Variants in DIAPH2 observed in about 807,000 individuals in gnomAD.
DIAPH2 encodes the protein protein diaphanous homolog 2.
A neutral mutation model predicts 92.7 loss-of-function variants in DIAPH2; 35 were observed. That is an observed-to-expected ratio of 0.38 (90% CI 0.29 to 0.50). The LOEUF (loss-of-function observed/expected upper bound fraction) is 0.50. Ranked by LOEUF, DIAPH2 falls within the 20% of genes least tolerant of loss-of-function variation. DIAPH2 has a pLI of 0.94. For missense variants in DIAPH2, 701 were observed against 819.5 expected, an observed-to-expected ratio of 0.86 and a Z score of 1.77; for synonymous variants, 301 against 280.4, an observed-to-expected ratio of 1.07 and a Z score of -0.73.
intron 3 of DIAPH2, among the ~76,000 whole-genome samples, chrX:96,754,662 C>G (rs376192500): frequency 9.1e-6 from 1 of 110,186 alleles, no homozygotes; most frequent in Non-Finnish European, 1.9e-5. Flanking sequence ...TGGTGGCTCA[C>G]GCTTGTAATC....
Position 96,881,692 on chromosome X carries a change from G to A in DIAPH2, c.561G>A (p.Arg187=), listed in dbSNP as rs758280616. The A allele has an allele frequency of 9.9e-6, 12 of 1,206,243 alleles. No individual in the cohort carries two copies. In the Admixed American group the frequency reaches 2.4e-4, roughly 24 times the overall value. The change falls in exon 5 of 27, where the codon AGG becomes AGA. Residue 187 remains arginine (R), a synonymous_variant. Coordinates refer to ENST00000324765, the MANE Select transcript of DIAPH2 (RefSeq NM_006729.5). ...TTCTTAATTGCCTAGAATCCCTCAGGGTTTCTTTAACCAGCAATCCGGTCA... is the reference window on the plus strand; with the variant it reads ...TTCTTAATTGCCTAGAATCCCTCAGAGTTTCTTTAACCAGCAATCCGGTCA... ...EKLLNCLESL[R]VSLTSNPVSW...
chrX:96,863,523 TCTTA>T (rs1034479236), intron 4 of DIAPH2, among the ~76,000 whole-genome samples: 30 of 110,968 alleles, frequency 2.7e-4, no homozygotes, highest in African/African-American at 9.2e-4. Context: ...TCTAAAATCC[TCTTA>T]CTTAGGTATA....
intron 5 of DIAPH2, among the ~76,000 whole-genome samples, chrX:96,895,378 A>G (rs1217662565): frequency 8.9e-6 from 1 of 111,897 alleles, no homozygotes; most frequent in Admixed American, 9.5e-5. Flanking sequence ...ATAAATGTGA[A>G]TTATCAAATA....
chrX:97,550,291 G>A (rs759127372), intron 26 of DIAPH2, among the ~76,000 whole-genome samples: 12 of 112,181 alleles, frequency 1.1e-4, no homozygotes, highest in African/African-American at 3.9e-4. Flanking sequence ...CCCAGGAGGC[G>A]GAGGTTACAG....
intron 22 of DIAPH2, among the ~76,000 whole-genome samples, chrX:97,147,237 A>T (rs1348678943): frequency 9.0e-6 from 1 of 111,259 alleles, no homozygotes; most frequent in Non-Finnish European, 1.9e-5. Flanking sequence ...GGGTCATTTC[A>T]TTCAAGATTG....
At chrX:97,046,687 G>A (rs1466069579) in intron 17 of DIAPH2, among the ~76,000 whole-genome samples, 2 of 111,679 alleles carry the variant, frequency 1.8e-5, no homozygotes, top group Admixed American at 1.9e-4. Flanking sequence ...ACATATAGAA[G>A]CATTAAGGGG....
chrX:97,041,524 C>CA (rs2066448396), intron 17 of DIAPH2, among the ~76,000 whole-genome samples: 2 of 110,788 alleles, frequency 1.8e-5, no homozygotes, highest in South Asian at 3.8e-4. Context: ...CAGCGGTATT[C>CA]AAAAAAAGCA....
intron 17 of DIAPH2, among the ~76,000 whole-genome samples, chrX:96,977,925 C>T (rs1390556759): frequency 8.9e-6 from 1 of 111,973 alleles, no homozygotes; most frequent in East Asian, 2.8e-4. Context: ...CTCAGGTAAT[C>T]CACCCACCTT....
chrX:96,755,693 C>T (rs972138613), intron 3 of DIAPH2, among the ~76,000 whole-genome samples: 65 of 100,440 alleles, frequency 6.5e-4, no homozygotes, highest in African/African-American at 2.0e-3. Flanking sequence ...TACTGTTCTT[C>T]GCCAATTAGT....
intron 26 of DIAPH2, among the ~76,000 whole-genome samples, chrX:97,491,768 C>T (rs1435826090): frequency 8.9e-6 from 1 of 112,060 alleles, no homozygotes; most frequent in African/African-American, 3.2e-5. Context: ...TTTTCTGTTT[C>T]ATAGTCTTTT....
rs1444891236 is a variant in DIAPH2, at chrX:97,599,855, AC to A, written c.*542del. The A allele has an allele frequency of 8.9e-6, 1 of 112,194 alleles. No homozygotes were observed. The highest frequency in any genetic ancestry group is 1.9e-5 in the Non-Finnish European group (1 of 53,124). The allele number at this position is 112,194 out of a possible 1,213,427, so 9.2% of individuals were successfully genotyped here. On this transcript the variant is annotated 3_prime_UTR_variant, in exon 27 of 27. Coordinates refer to ENST00000324765, the MANE Select transcript of DIAPH2 (RefSeq NM_006729.5). Reference sequence around the variant, plus strand: ...TGGAAATTCACGAAAGTACTGCTCCACCCCAGTTGAGTTATTTAGAATTTTA... The same window carrying A: ...TGGAAATTCACGAAAGTACTGCTCCACCCAGTTGAGTTATTTAGAATTTTA...
intron 12 of DIAPH2, among the ~76,000 whole-genome samples, chrX:96,940,046 G>A (rs955420654): frequency 2.5e-4 from 27 of 110,003 alleles, no homozygotes; most frequent in Non-Finnish European, 4.9e-4. Flanking sequence ...GTACTCCAGC[G>A]ACAGGACTTT....
At chrX:96,851,983 G>A (rs1195997928) in intron 4 of DIAPH2, among the ~76,000 whole-genome samples, 1 of 111,838 alleles carries the variant, frequency 8.9e-6, no homozygotes. Flanking sequence ...TTTTGCTATG[G>A]TAGTTAAAAC....
At chrX:97,477,985 C>T (rs142948510) in intron 26 of DIAPH2, among the ~76,000 whole-genome samples, 6,440 of 111,040 alleles carry the variant, frequency 0.058, 176 homozygotes, top group African/African-American at 0.11. Context: ...AAGAGCTCTT[C>T]TTCTCAGCTG....
intron 23 of DIAPH2, among the ~76,000 whole-genome samples, chrX:97,271,083 C>T (rs2068382878): frequency 9.0e-6 from 1 of 110,711 alleles, no homozygotes; most frequent in South Asian, 3.8e-4. Flanking sequence ...GAATTATTGC[C>T]TGCACTTATT....
chrX:97,404,942 T>G (rs2069794695), intron 25 of DIAPH2, among the ~76,000 whole-genome samples: 1 of 112,308 alleles, frequency 8.9e-6, no homozygotes, highest in Admixed American at 9.5e-5. Flanking sequence ...ATTGTCATTA[T>G]TTCATGTGCT....
intron 21 of DIAPH2, among the ~76,000 whole-genome samples, chrX:97,126,251 A>G (rs1221719785): frequency 1.8e-5 from 2 of 111,778 alleles, no homozygotes; most frequent in Non-Finnish European, 3.8e-5. Context: ...AGCTACCATG[A>G]CTAAGTTTGA....
At chrX:97,289,098 A>G (rs2068569609) in intron 23 of DIAPH2, among the ~76,000 whole-genome samples, 2 of 111,603 alleles carry the variant, frequency 1.8e-5, no homozygotes, top group South Asian at 7.5e-4. Context: ...CAAATACGGG[A>G]TTTTTGAGAC....
chrX:97,596,909 C>T (rs2071555857), intron 26 of DIAPH2, among the ~76,000 whole-genome samples: 1 of 111,780 alleles, frequency 8.9e-6, no homozygotes, highest in Non-Finnish European at 1.9e-5. Flanking sequence ...ATCAAATTTA[C>T]ACACACACAC....
Sources: gnomAD v4.1 joint callset for allele counts (sites outside exome capture counted in the v4.1 genomes callset) on GRCh38, gnomAD v4.1.1 for gene constraint, MANE v1.5 for transcripts, NCBI Gene and HGNC (gene_info 2026-07-23, HGNC 2026-07-21) for gene names.